PCNT: variants seen among roughly 807,000 people sequenced by gnomAD.
PCNT encodes the protein pericentrin, also known as kendrin.
Under a neutral mutation model 380.4 loss-of-function variants are expected in PCNT, and 319 were observed. That is an observed-to-expected ratio of 0.84 (90% confidence interval 0.77 to 0.92). PCNT has a LOEUF of 0.92. PCNT is among the 40% of genes least tolerant of loss of function. PCNT has a pLI of 0.00. For synonymous variants in PCNT, 1,845 were observed against 1,735.2 expected (o/e 1.06, Z -1.57); for missense variants, 4,400 against 4,255.3 (o/e 1.03, Z -0.95).
chr21:46,327,761 T>C (rs2083437680), intron 2 of PCNT, among the ~76,000 whole-genome samples: 1 of 152,246 alleles, frequency 6.6e-6, no homozygotes, highest in Non-Finnish European at 1.5e-5. Context: ...CTTGTCACAT[T>C]TGTCTTTTAC....
At chr21:46,345,894 A>T (rs1220600200) in intron 3 of PCNT, among the ~76,000 whole-genome samples, 1 of 152,200 alleles carries the variant, frequency 6.6e-6, no homozygotes, top group East Asian at 1.9e-4. Flanking sequence ...TCTGTGTTGC[A>T]GCCTGAGTTG....
rs778799946 is a variant in PCNT at position 46,366,619 on chromosome 21, T to G, written c.2645T>G (p.Phe882Cys). Residue 882 changes from phenylalanine (F) to cysteine (C), a missense_variant, in exon 15 of 47, where the codon TTC becomes TGC. Transcript: ENST00000359568. ...GAACGTAAAGAGATCACCGAGAAATTCAGTGCGGAACAAGATGCCTTCCTG... is the reference window on the plus strand; with the variant it reads ...GAACGTAAAGAGATCACCGAGAAATGCAGTGCGGAACAAGATGCCTTCCTG... ...LEERKEITEK[F>C]SAEQDAFLQE... 2.5e-6 allele frequency: 4 copies of G among 1,613,854 alleles called. No individual in the cohort carries two copies. The Admixed American group carries it at 5.0e-5, about 20-fold the overall frequency.
At chr21:46,387,487 G>T (rs1361959451) in intron 17 of PCNT, among the ~76,000 whole-genome samples, 1 of 152,132 alleles carries the variant, frequency 6.6e-6, no homozygotes, top group East Asian at 1.9e-4. Flanking sequence ...GTGCAGAGGT[G>T]AGCCCACGGT....
chr21:46,412,546 C>G (rs2086822847), intron 28 of PCNT, among the ~76,000 whole-genome samples: 1 of 152,208 alleles, frequency 6.6e-6, no homozygotes, highest in Non-Finnish European at 1.5e-5. Context: ...GAACTTGGTG[C>G]CTACCACCCC....
chr21:46,373,344 C>G (rs922356910), intron 15 of PCNT, among the ~76,000 whole-genome samples: 1 of 151,628 alleles, frequency 6.6e-6, no homozygotes, highest in Non-Finnish European at 1.5e-5. Flanking sequence ...CCTAGAGCGT[C>G]TTTGCAGTAT....
intron 1 of PCNT, among the ~76,000 whole-genome samples, chr21:46,325,445 G>C (rs544998611): frequency 3.4e-4 from 52 of 152,246 alleles, no homozygotes; most frequent in Non-Finnish European, 6.2e-4. Context: ...CCGCAGACCA[G>C]GTCTGTGCTA....
chr21:46,351,662 T>G (rs1414254996), intron 9 of PCNT, 122 bp downstream of exon 9: 3 of 730,258 alleles, frequency 4.1e-6, no homozygotes, highest in Admixed American at 2.0e-5. Flanking sequence ...TTTACCTGTT[T>G]GACATCCTGA....
intron 1 of PCNT, chr21:46,325,064 G>T (rs1481961144): frequency 2.3e-5 from 23 of 985,420 alleles, no homozygotes; most frequent in Non-Finnish European, 2.8e-5. Context: ...CCCGCCCCGG[G>T]TTTCTCCGTG....
chr21:46,380,449 C>T (rs1052531937), intron 15 of PCNT, among the ~76,000 whole-genome samples: 6 of 151,966 alleles, frequency 3.9e-5, no homozygotes, highest in East Asian at 1.9e-4. Flanking sequence ...CGTGAGCCAC[C>T]GCGCCCGGCC....
chr21:46,344,702 T>C (rs1318905042), intron 3 of PCNT, among the ~76,000 whole-genome samples: 1 of 152,170 alleles, frequency 6.6e-6, no homozygotes. Flanking sequence ...AGGGGATACG[T>C]CCCAGGCGCC....
intron 15 of PCNT, among the ~76,000 whole-genome samples, chr21:46,378,330 A>C (rs2085398060): frequency 6.6e-6 from 1 of 152,142 alleles, no homozygotes; most frequent in Non-Finnish European, 1.5e-5. Flanking sequence ...ATCAACTTTT[A>C]ACTGAAAGGC....
Position 46,430,176 on chromosome 21 carries a change from G to A in PCNT, c.7857G>A (p.Lys2619=), listed in dbSNP as rs1197590487. The change falls in exon 36 of 47, where the codon AAG becomes AAA. Residue 2619 remains lysine, a synonymous_variant. Coordinates refer to ENST00000359568, the MANE Select transcript of PCNT (RefSeq NM_006031.6). ...LKSDLCESRQ[K]SEQLSRSLCE... ...CCGACCTCTGTGAGAGCAGGCAGAAGAGCGAACAGCTGTCCCGGTCCCTCT... is the reference window on the plus strand; with the variant it reads ...CCGACCTCTGTGAGAGCAGGCAGAAAAGCGAACAGCTGTCCCGGTCCCTCT... 1 of 1,614,120 alleles carries A rather than the reference G, an allele frequency of 6.2e-7. No homozygotes were observed. Among genetic ancestry groups the A allele is most frequent in the Admixed American group, 1.7e-5 (1 of 60,032 alleles).
intron 43 of PCNT, 42 bp downstream of exon 43, chr21:46,441,126 T>G (rs1434853778): frequency 1.6e-5 from 19 of 1,209,208 alleles, no homozygotes; most frequent in African/African-American, 3.0e-5. Context: ...CGCGTCTGTC[T>G]CCGTGAGTGG....
Position 46,346,129 on chromosome 21 carries a change from A to C in PCNT, c.641A>C (p.Glu214Ala). Residue 214 changes from glutamate (E) to alanine (A), a missense_variant and splice_region_variant, in exon 4 of 47, where the codon GAG becomes GCG. Glu to Ala is a moderately radical substitution (Grantham distance 107). Transcript: ENST00000359568. The part of the protein sequence containing the change: ...PAEQRGMFTK[E>A]CEQECELAIT... ...ACATTCTTTGCCTTTTTTCCCCAGGAGTGTGAACAAGAATGTGAACTTGCC... is the reference window on the plus strand; with the variant it reads ...ACATTCTTTGCCTTTTTTCCCCAGGCGTGTGAACAAGAATGTGAACTTGCC... The C allele has an allele frequency of 6.2e-7, 1 of 1,613,996 alleles. No homozygotes were observed. The highest frequency in any genetic ancestry group is 8.5e-7 in the Non-Finnish European group (1 of 1,179,922).
intron 25 of PCNT, among the ~76,000 whole-genome samples, chr21:46,401,081 T>C (rs1339789679): frequency 1.3e-5 from 2 of 152,230 alleles, no homozygotes; most frequent in East Asian, 3.8e-4. Context: ...TTTTATCCCT[T>C]CGTGAAATTT....
chr21:46,346,889 C>T lies in PCNT; in HGVS notation c.867C>T (p.Ala289=). Residue 289 remains alanine (A), a synonymous_variant, in exon 5 of 47, where the codon GCC becomes GCT. Transcript: ENST00000359568. ...GGGAGATGCTCAACAGCCGGCGTGC[C>T]CAGGAGCTGGCCCTGCTACAGAGCA... ...ELREMLNSRR[A]QELALLQSRQ... is the part of the protein sequence containing the mutation. The T allele has an allele frequency of 6.2e-7, 1 of 1,606,784 alleles. No homozygotes were observed. Among genetic ancestry groups the T allele is most frequent in the Non-Finnish European group, 8.5e-7 (1 of 1,177,476 alleles).
At chr21:46,389,864 C>A (rs1368687372) in intron 19 of PCNT, among the ~76,000 whole-genome samples, 3 of 152,246 alleles carry the variant, frequency 2.0e-5, no homozygotes, top group African/African-American at 7.2e-5. Context: ...AGGAGGTTCA[C>A]TTCAGCCTAC....
intron 16 of PCNT, 41 bp downstream of exon 16, chr21:46,381,881 A>G (rs749236631): frequency 2.5e-6 from 4 of 1,607,136 alleles, no homozygotes; most frequent in South Asian, 1.1e-5. Flanking sequence ...AGACGTGTAT[A>G]GCATAAAAAT....
In PCNT at chr21:46,391,180, C is replaced by T. The variant is rs1483443373; in HGVS notation, c.4020C>T (p.Phe1340=). 6.2e-7 allele frequency: 1 copy of T among 1,603,078 alleles called. No individual in the cohort carries two copies. The highest frequency in any genetic ancestry group is 8.5e-7 in the Non-Finnish European group (1 of 1,175,092). Residue 1340 remains phenylalanine (F), a synonymous_variant, in exon 21 of 47, where the codon TTC becomes TTT. Coordinates refer to ENST00000359568, the MANE Select transcript of PCNT (RefSeq NM_006031.6). The stretch of plus-strand genomic sequence containing the variant: ...CCCACAAAGGTACCCTTGAGGGATT[C>T]AAGGTGGAGACAGCAGATCTGAAGG... The part of the protein sequence containing the change: ...LHKTQGTLEG[F]KVETADLKEV...
Sources: gnomAD v4.1 joint callset for allele counts (sites outside exome capture counted in the v4.1 genomes callset) on GRCh38, gnomAD v4.1.1 for gene constraint, MANE v1.5 for transcripts, NCBI Gene and HGNC (gene_info 2026-07-23, HGNC 2026-07-21) for gene names.